The following XKR4 variants were observed in gnomAD, a reference collection of about 807,000 sequenced individuals.
XKR4 encodes the protein XK related 4.
Under a neutral mutation model 53.9 loss-of-function variants are expected in XKR4, and 12 were observed. That is an observed-to-expected ratio of 0.22 (90% CI 0.14 to 0.36). XKR4 has a LOEUF of 0.36. XKR4 is among the 10% of genes least tolerant of loss of function. XKR4 has a pLI of 1.00. For missense variants in XKR4, 799 were observed against 859.5 expected (o/e 0.93, Z 0.88); for synonymous variants, 354 against 362.4 (o/e 0.98, Z 0.26).
At chr8:55,106,531 A>G (rs1255820284) in intron 1 of XKR4, among the ~76,000 whole-genome samples, 1 of 152,164 alleles carries the variant, frequency 6.6e-6, no homozygotes, top group East Asian at 1.9e-4. Context: ...TTTTTCTCAT[A>G]TGATTCCAGA....
At chr8:55,508,144 G>T (rs1006468132) in intron 2 of XKR4, among the ~76,000 whole-genome samples, 1 of 151,972 alleles carries the variant, frequency 6.6e-6, no homozygotes, top group Non-Finnish European at 1.5e-5. Context: ...AGCAGTGATG[G>T]CATGAATTGA....
At chr8:55,221,503 A>T (rs1817880192) in intron 1 of XKR4, among the ~76,000 whole-genome samples, 1 of 152,056 alleles carries the variant, frequency 6.6e-6, no homozygotes, top group Non-Finnish European at 1.5e-5. Context: ...TTGCACCCTG[A>T]TGTTTCTGAT....
chr8:55,417,499 C>T (rs767786436), intron 2 of XKR4, among the ~76,000 whole-genome samples: 3 of 152,248 alleles, frequency 2.0e-5, no homozygotes, highest in East Asian at 1.9e-4. Context: ...TGCAGATCCA[C>T]ATATAGATTT....
At chr8:55,454,111 T>C in intron 2 of XKR4, 1 of 833,406 alleles carries the variant, frequency 1.2e-6, no homozygotes, top group Admixed American at 1.7e-5. Flanking sequence ...ACGTCATGGG[T>C]GGAGGGAAGG....
intron 2 of XKR4, among the ~76,000 whole-genome samples, chr8:55,497,535 G>T (rs1299846040): frequency 2.6e-5 from 4 of 151,864 alleles, no homozygotes; most frequent in African/African-American, 9.7e-5. Flanking sequence ...TATCTTTATT[G>T]TCTTCCCAAG....
intron 2 of XKR4, among the ~76,000 whole-genome samples, chr8:55,396,823 C>A (rs115082667): frequency 0.013 from 1,991 of 152,254 alleles, 51 homozygotes; most frequent in African/African-American, 0.046. Context: ...GCTTTAAAGA[C>A]TTTACATGTA....
At chr8:55,305,868 C>T (rs1236879980) in intron 1 of XKR4, among the ~76,000 whole-genome samples, 2 of 152,094 alleles carry the variant, frequency 1.3e-5, no homozygotes, top group Admixed American at 1.3e-4. Context: ...AAACTCTTTC[C>T]TACCCCCAAT....
chr8:55,509,748 A>T (rs1585612454), intron 2 of XKR4, among the ~76,000 whole-genome samples: 1 of 152,212 alleles, frequency 6.6e-6, no homozygotes, highest in East Asian at 1.9e-4. Context: ...AAAGGCTGCC[A>T]AAGTGCCAGC....
At chr8:55,350,695 G>A (rs904087897) in intron 1 of XKR4, among the ~76,000 whole-genome samples, 2 of 148,254 alleles carry the variant, frequency 1.3e-5, no homozygotes, top group African/African-American at 2.5e-5. Flanking sequence ...ATGGAGAATT[G>A]TTTAGTGGAT....
At chr8:55,277,323 T>C (rs1217396946) in intron 1 of XKR4, among the ~76,000 whole-genome samples, 1 of 152,258 alleles carries the variant, frequency 6.6e-6, no homozygotes, top group African/African-American at 2.4e-5. Flanking sequence ...TTCACTGATA[T>C]ACTGTTTGAT....
intron 1 of XKR4, among the ~76,000 whole-genome samples, chr8:55,307,398 TC>T (rs1314330988): frequency 3.9e-5 from 6 of 152,146 alleles, no homozygotes; most frequent in African/African-American, 1.4e-4. Flanking sequence ...TGTAATAATC[TC>T]CCAATACTTT....
intron 1 of XKR4, among the ~76,000 whole-genome samples, chr8:55,243,882 C>T (rs1563491516): frequency 6.6e-6 from 1 of 152,224 alleles, no homozygotes; most frequent in African/African-American, 2.4e-5. Flanking sequence ...ATAACCTAGA[C>T]AGTGCGTGCA....
At chr8:55,117,965 G>A (rs1443832931) in intron 1 of XKR4, among the ~76,000 whole-genome samples, 9 of 152,190 alleles carry the variant, frequency 5.9e-5, no homozygotes, top group Non-Finnish European at 1.2e-4. Flanking sequence ...AAAATGTTGG[G>A]TGGGAGTGAA....
intron 1 of XKR4, among the ~76,000 whole-genome samples, chr8:55,337,035 G>A (rs914279455): frequency 5.9e-5 from 9 of 151,998 alleles, no homozygotes; most frequent in Admixed American, 1.3e-4. Flanking sequence ...TAAATATTAC[G>A]CTTTATATTT....
intron 1 of XKR4, among the ~76,000 whole-genome samples, chr8:55,164,899 A>C (rs1817044683): frequency 6.6e-6 from 1 of 152,134 alleles, no homozygotes; most frequent in Non-Finnish European, 1.5e-5. Flanking sequence ...CTGAAAGCTC[A>C]TTTGCTGCCT....
intron 1 of XKR4, among the ~76,000 whole-genome samples, chr8:55,289,644 A>AG (rs1203121818): frequency 0.014 from 1,702 of 120,710 alleles, 26 homozygotes; most frequent in African/African-American, 0.031. Context: ...AAAGAAAGAA[A>AG]GAAAGGAAGG....
At chr8:55,352,042 G>A (rs1037081699) in intron 1 of XKR4, among the ~76,000 whole-genome samples, 4 of 152,174 alleles carry the variant, frequency 2.6e-5, no homozygotes, top group Non-Finnish European at 5.9e-5. Flanking sequence ...AAAGACAAAT[G>A]ACATTCTTTC....
intron 2 of XKR4, among the ~76,000 whole-genome samples, chr8:55,497,261 G>A (rs1400551676): frequency 6.6e-6 from 1 of 152,182 alleles, no homozygotes; most frequent in East Asian, 1.9e-4. Flanking sequence ...AAATGTATAT[G>A]TGCTGATCAA....
At chr8:55,472,850 A>G (rs1805911160) in intron 2 of XKR4, among the ~76,000 whole-genome samples, 2 of 152,244 alleles carry the variant, frequency 1.3e-5, no homozygotes, top group Admixed American at 6.5e-5. Flanking sequence ...TATGCTTTGC[A>G]CTATTACTTG....
Sources: allele counts gnomAD v4.1 joint callset (sites outside exome capture counted in the v4.1 genomes callset), GRCh38; gene constraint gnomAD v4.1.1; transcripts MANE v1.5; gene names NCBI Gene and HGNC (gene_info 2026-07-23, HGNC 2026-07-21).